Variants in DUSP19 observed in about 807,000 individuals in gnomAD.
DUSP19 encodes dual specificity protein phosphatase 19.
A neutral mutation model predicts 16.6 loss-of-function variants in DUSP19; 14 were observed. The observed-to-expected ratio is 0.84, with a 90% confidence interval of 0.56 to 1.32. The LOEUF (loss-of-function observed/expected upper bound fraction) is 1.32, where lower values mean the gene tolerates loss of function less well. Among genes scored for constraint, DUSP19 ranks in the 40% most tolerant of loss-of-function variants. The pLI is 0.00. For missense variants in DUSP19, 258 were observed against 255.9 expected (o/e 1.01, Z -0.06); for synonymous variants, 81 against 90.5 (o/e 0.90, Z 0.59).
chr2:183,094,478 A>G (rs1397386234), intron 3 of DUSP19, among the ~76,000 whole-genome samples: 1 of 152,164 alleles, frequency 6.6e-6, no homozygotes, highest in African/African-American at 2.4e-5. Context: ...ACCACATTTC[A>G]TTTAGATCAT....
At chr2:183,091,785 G>T (rs1699735026) in intron 3 of DUSP19, among the ~76,000 whole-genome samples, 1 of 152,196 alleles carries the variant, frequency 6.6e-6, no homozygotes, top group Non-Finnish European at 1.5e-5. Context: ...CGGTGCTTTT[G>T]TTACTTAGGT....
Position 183,088,585 on chromosome 2 carries a change from G to C in DUSP19, c.426+1393G>C, listed in dbSNP as rs1699694142. Among the ~76,000 whole-genome samples the C allele has an allele frequency of 2.0e-5, 3 of 151,184 alleles. No individual in the cohort carries two copies. In the South Asian group the frequency reaches 6.3e-4, roughly 32 times the overall value. On this transcript the variant is annotated intron_variant, in intron 3 of 3. Transcript: ENST00000354221. ...CTATAGGAGCACACTGCCACACCCG[G>C]GTAATTTTTTGTATTTTAGTAGAGA...
rs929843941 is a variant in DUSP19, at chr2:183,096,557, T to A, written c.*899T>A. 1.2e-4 allele frequency: 16 copies of A among 130,944 alleles called. No individual in the cohort carries two copies. The highest frequency in any genetic ancestry group is 4.7e-4 in the African/African-American group (16 of 34,178). The allele number at this position is 130,944 out of a possible 1,614,324, so 8.1% of individuals were successfully genotyped here. ...GACCTCATTTTGTTTTTTTCAATTC[T>A]GTTATCGGCATTTCTTTCTTTTTTT... On this transcript the variant is annotated 3_prime_UTR_variant, in exon 4 of 4. Transcript: ENST00000354221.
At position 183,099,686 on chromosome 2, in the gene DUSP19, G is replaced by A. The variant is rs1380742843; in HGVS notation, c.*4028G>A. ...GTTTTAAAAGATGTAACACTTATTTGCTGTCAAATTCTGAATTAAAAAATC... is the reference window on the plus strand; with the variant it reads ...GTTTTAAAAGATGTAACACTTATTTACTGTCAAATTCTGAATTAAAAAATC... On this transcript the variant is annotated 3_prime_UTR_variant, in exon 4 of 4. Transcript: ENST00000354221. 1 of 151,500 alleles carries A rather than the reference G, an allele frequency of 6.6e-6. No homozygotes were observed. The highest frequency in any genetic ancestry group is 1.5e-5 in the Non-Finnish European group (1 of 67,976). The allele number at this position is 151,500 out of a possible 1,614,324, so 9.4% of individuals were successfully genotyped here. A position where few individuals can be genotyped will look rare whatever the true frequency, so the allele number is the denominator to read the frequency against.
At position 183,079,133 on chromosome 2, in the gene DUSP19, G is replaced by C. The variant is rs373969201; in HGVS notation, c.200G>C (p.Gly67Ala). 6.2e-5 allele frequency: 100 copies of C among 1,613,758 alleles called. No individual in the cohort carries two copies. The highest frequency in any genetic ancestry group is 7.7e-5 in the Non-Finnish European group (91 of 1,179,908). Residue 67 changes from glycine to alanine, a missense_variant, in exon 1 of 4, where the codon GGC becomes GCC. Transcript: ENST00000354221. ...VQDLSSDLQV[G>A]VIKPWLLLGS... Reference sequence around the variant, plus strand: ...GACCTTAGCTCGGACCTGCAAGTTGGCGTTATTAAGCCATGGTTGCTCCTA... The same window carrying C: ...GACCTTAGCTCGGACCTGCAAGTTGCCGTTATTAAGCCATGGTTGCTCCTA...
chr2:183,081,228 T>G (rs755217680), intron 1 of DUSP19, among the ~76,000 whole-genome samples: 14 of 152,172 alleles, frequency 9.2e-5, no homozygotes, highest in Non-Finnish European at 2.1e-4. Context: ...ACATTATATA[T>G]AGACAGATAA....
chr2:183,087,103 A>G lies in DUSP19; in HGVS notation c.337A>G (p.Lys113Glu), dbSNP rs1252698912. The change falls in exon 3 of 4, where the codon AAG becomes GAG. Residue 113 changes from lysine to glutamate, a missense_variant. Lys to Glu is a moderately conservative substitution (Grantham distance 56). Transcript: ENST00000354221. Reference protein sequence around the residue: ...ENAFLSDFTYKSISILDLPET... With the variant: ...ENAFLSDFTYESISILDLPET... The stretch of plus-strand genomic sequence containing the variant: ...TGCTTTCCTCAGTGACTTTACATAT[A>G]AGAGCATTTCTATATTGGATCTGCC... 1 of 1,613,280 alleles carries G rather than the reference A, an allele frequency of 6.2e-7. No individual in the cohort carries two copies. The highest frequency in any genetic ancestry group is 1.7e-5 in the Admixed American group (1 of 60,002).
At position 183,083,491 on chromosome 2, in the gene DUSP19, T is replaced by C; in HGVS notation, c.227-17T>C. 1 of 1,596,732 alleles carries C rather than the reference T, an allele frequency of 6.3e-7. No individual in the cohort carries two copies. Among genetic ancestry groups the C allele is most frequent in the Non-Finnish European group, 8.5e-7 (1 of 1,171,186 alleles). Reference sequence around the variant, plus strand: ...GATTATATTTGTGTTCAAGGTGGTATCATTTATTTCTTCTAGGGTCACAAG... The same window carrying C: ...GATTATATTTGTGTTCAAGGTGGTACCATTTATTTCTTCTAGGGTCACAAG... On this transcript the variant is annotated splice_polypyrimidine_tract_variant and intron_variant, in intron 1 of 3. Coordinates refer to ENST00000354221, the MANE Select transcript of DUSP19 (RefSeq NM_080876.4).
rs963925064 is a variant in DUSP19 at position 183,097,636 on chromosome 2, C to T, written c.*1978C>T. 2.0e-5 allele frequency: 3 copies of T among 152,138 alleles called. No homozygotes were observed. The highest frequency in any genetic ancestry group is 6.5e-5 in the Admixed American group (1 of 15,276). 9.4% of individuals were successfully genotyped at this position (152,138 alleles called of 1,614,324 possible). ...TAAGAAGCAGTCTAAATATAATCAA[C>T]GTACAGTGAGCTCTTTGAAGCCAAC... On this transcript the variant is annotated 3_prime_UTR_variant, in exon 4 of 4. Transcript: ENST00000354221.
intron 2 of DUSP19, among the ~76,000 whole-genome samples, chr2:183,084,108 C>T (rs1344854159): frequency 6.6e-6 from 1 of 152,128 alleles, no homozygotes; most frequent in Non-Finnish European, 1.5e-5. Context: ...AGAAGAGAGA[C>T]AAGCAGCTAC....
intron 2 of DUSP19, 78 bp downstream of exon 2, chr2:183,083,632 C>A: frequency 7.9e-7 from 1 of 1,265,210 alleles, no homozygotes; most frequent in South Asian, 1.5e-5. Flanking sequence ...TGTATTGGTC[C>A]ATCTTTGGTA....
rs534821816 is a variant in DUSP19, at chr2:183,095,628, G to A, written c.624G>A (p.Lys208=). The stretch of plus-strand genomic sequence containing the variant: ...ATCAAGAGGGCAAAGAAAGCAATAA[G>A]TGTGACAGAATACAGGAGAACAGTT... The part of the protein sequence containing the change: ...RTYQEGKESN[K]CDRIQENSS The change falls in exon 4 of 4, where the codon AAG becomes AAA. Residue 208 remains lysine, a synonymous_variant. Transcript: ENST00000354221. 2 of 1,613,968 alleles carry A rather than the reference G, an allele frequency of 1.2e-6. No homozygotes were observed. The highest frequency in any genetic ancestry group is 1.7e-5 in the Admixed American group (1 of 60,022).
At chr2:183,080,100 G>A (rs1196034595) in intron 1 of DUSP19, among the ~76,000 whole-genome samples, 2 of 152,154 alleles carry the variant, frequency 1.3e-5, no homozygotes, top group Non-Finnish European at 2.9e-5. Flanking sequence ...AATAACAGAC[G>A]TATGCATCAA....
At chr2:183,088,211 G>A (rs1409353541) in intron 3 of DUSP19, among the ~76,000 whole-genome samples, 5 of 152,064 alleles carry the variant, frequency 3.3e-5, no homozygotes, top group Non-Finnish European at 7.4e-5. Flanking sequence ...CATCTGAACA[G>A]GTTTGTAGTC....
At chr2:183,085,622 G>A (rs1462820677) in intron 2 of DUSP19, among the ~76,000 whole-genome samples, 1 of 151,962 alleles carries the variant, frequency 6.6e-6, no homozygotes. Flanking sequence ...CATAGGTGAG[G>A]AGGGGGAGGG....
intron 3 of DUSP19, among the ~76,000 whole-genome samples, chr2:183,090,285 T>C (rs928180343): frequency 6.6e-6 from 1 of 152,208 alleles, no homozygotes; most frequent in African/African-American, 2.4e-5. Flanking sequence ...TGGATTCCAT[T>C]TCCTAAGTCT....
intron 3 of DUSP19, among the ~76,000 whole-genome samples, chr2:183,090,773 C>T (rs1287465682): frequency 1.3e-5 from 2 of 152,156 alleles, no homozygotes; most frequent in African/African-American, 4.8e-5. Flanking sequence ...ATACCTTCTC[C>T]CCCTGTCCCA....
intron 1 of DUSP19, among the ~76,000 whole-genome samples, chr2:183,082,286 C>T (rs1699601642): frequency 6.6e-6 from 1 of 151,840 alleles, no homozygotes; most frequent in African/African-American, 2.4e-5. Context: ...ACCTGCAACC[C>T]CATTGTTAAC....
chr2:183,093,086 T>G (rs900482181), intron 3 of DUSP19, among the ~76,000 whole-genome samples: 2 of 152,204 alleles, frequency 1.3e-5, no homozygotes, highest in Non-Finnish European at 2.9e-5. Context: ...AATTACTTAT[T>G]CTGAGAAGAT....
Sources: allele counts gnomAD v4.1 joint callset (sites outside exome capture counted in the v4.1 genomes callset), GRCh38; gene constraint gnomAD v4.1.1; transcripts MANE v1.5; gene names NCBI Gene and HGNC (gene_info 2026-07-23, HGNC 2026-07-21).